The following RIPOR2 variants were observed in gnomAD, a reference collection of about 807,000 sequenced individuals.
The protein encoded by RIPOR2 is rho family-interacting cell polarization regulator 2.
In RIPOR2, 39 loss-of-function variants were observed where a neutral mutation model predicts 114.5. The observed-to-expected ratio is 0.34, with a 90% CI of 0.26 to 0.44. RIPOR2 has a LOEUF of 0.44. Ranked by LOEUF, RIPOR2 falls within the 20% of genes least tolerant of loss-of-function variation. RIPOR2 has a pLI of 1.00. For synonymous variants in RIPOR2, 445 were observed against 484.4 expected (o/e 0.92, Z 1.07); for missense variants, 1,007 against 1,255.1 (o/e 0.80, Z 2.99).
At chr6:24,840,086 AC>A in intron 13 of RIPOR2, 1 of 704,152 alleles carries the variant, frequency 1.4e-6, no homozygotes, top group Non-Finnish European at 1.7e-6. Flanking sequence ...GGTAGCTGAG[AC>A]CACAGGCATG....
chr6:24,828,381 T>C, intron 17 of RIPOR2, 86 bp from the exon 18 acceptor site: 2 of 1,204,446 alleles, frequency 1.7e-6, no homozygotes, highest in South Asian at 4.1e-5. Flanking sequence ...TTTTTATTTT[T>C]ATTTTAGAGA....
At chr6:24,894,453 T>C (rs1337932893) in intron 1 of RIPOR2, among the ~76,000 whole-genome samples, 2 of 152,242 alleles carry the variant, frequency 1.3e-5, no homozygotes, top group Non-Finnish European at 2.9e-5. Context: ...TGTTACTACT[T>C]ATCTCCATTC....
At chr6:24,957,655 C>G (rs999445742) in intron 1 of RIPOR2, among the ~76,000 whole-genome samples, 2 of 152,076 alleles carry the variant, frequency 1.3e-5, no homozygotes, top group Non-Finnish European at 2.9e-5. Flanking sequence ...AGGTGGATCA[C>G]GAGGTCAGGA....
At chr6:25,002,894 G>A (rs1366575144) in intron 1 of RIPOR2, among the ~76,000 whole-genome samples, 5 of 152,210 alleles carry the variant, frequency 3.3e-5, no homozygotes, top group East Asian at 1.9e-4. Context: ...TGGTTCGTCC[G>A]AAGTTGCAGC....
chr6:24,922,567 A>T (rs889308858), intron 1 of RIPOR2, among the ~76,000 whole-genome samples: 2 of 151,924 alleles, frequency 1.3e-5, no homozygotes, highest in African/African-American at 4.8e-5. Context: ...TTTAAAAAAA[A>T]TGTGGTAAGG....
chr6:24,877,843 T>G (rs1262415401), intron 1 of RIPOR2, among the ~76,000 whole-genome samples: 1 of 152,154 alleles, frequency 6.6e-6, no homozygotes, highest in African/African-American at 2.4e-5. Flanking sequence ...TCTAAGCTAA[T>G]TCTGATTGGC....
chr6:24,965,889 T>G (rs1298965308), intron 1 of RIPOR2, among the ~76,000 whole-genome samples: 1 of 152,196 alleles, frequency 6.6e-6, no homozygotes, highest in African/African-American at 2.4e-5. Context: ...CATCACATGG[T>G]AGATACAACT....
intron 1 of RIPOR2, chr6:25,041,714 ACGGAGC>A: frequency 1.0e-5 from 6 of 595,218 alleles, no homozygotes; most frequent in South Asian, 6.0e-5. Context: ...CCATTGGAAA[ACGGAGC>A]ACAGGAAAGT....
rs1168735257 is a variant in RIPOR2 at position 24,820,884 on chromosome 6, T to C, written c.2869-2259A>G. On this transcript the variant is annotated intron_variant, in intron 19 of 21. Transcript: ENST00000643898. ...GTTTAACACTCTTTTTTTTTTTTTT[T>C]TTTTTTTTGAGAGAGTCTCTCTTGG... 2.1e-5 allele frequency among the ~76,000 whole-genome samples: 3 copies of C among 144,480 alleles called. No individual in the cohort carries two copies. The Admixed American group carries it at 2.1e-4, about 10-fold the overall frequency. The allele number at this position is 144,480 out of a possible 152,430, so 94.8% of individuals were successfully genotyped here.
intron 1 of RIPOR2, among the ~76,000 whole-genome samples, chr6:24,960,054 C>T (rs1436863892): frequency 3.3e-5 from 5 of 152,206 alleles, no homozygotes; most frequent in Admixed American, 2.0e-4. Flanking sequence ...AAAGGTTGTC[C>T]CTCTAGGCAT....
chr6:24,990,018 G>A lies in RIPOR2; in HGVS notation c.76+51833C>T, dbSNP rs1326331678. Among the ~76,000 whole-genome samples, 3 of 151,682 alleles carry A rather than the reference G, an allele frequency of 2.0e-5. No homozygotes were observed. The East Asian group carries it at 5.8e-4, about 29-fold the overall frequency. Reference sequence around the variant, plus strand: ...TGCACTTCACCCTGGGCTATAGCATGAGTCTCAAAAAATAAAAATAAAAAA... The same window carrying A: ...TGCACTTCACCCTGGGCTATAGCATAAGTCTCAAAAAATAAAAATAAAAAA... On this transcript the variant is annotated intron_variant, in intron 1 of 13. Coordinates refer to the RIPOR2 transcript ENST00000510784.
intron 1 of RIPOR2, among the ~76,000 whole-genome samples, chr6:24,999,638 C>T (rs937981018): frequency 5.3e-5 from 8 of 151,388 alleles, no homozygotes; most frequent in Non-Finnish European, 8.8e-5. Context: ...TCACTGCAAG[C>T]TCCACCTCCC....
chr6:24,851,639 G>A (rs1445346461), intron 9 of RIPOR2, among the ~76,000 whole-genome samples: 3 of 151,858 alleles, frequency 2.0e-5, no homozygotes, highest in Non-Finnish European at 4.4e-5. Context: ...AATAACAAAG[G>A]CTATTTTTAC....
At chr6:24,840,884 G>A in intron 13 of RIPOR2, 2 of 1,019,238 alleles carry the variant, frequency 2.0e-6, no homozygotes, top group Non-Finnish European at 1.5e-6. Context: ...CACTAGTGAT[G>A]TTTTCAGCAG....
In RIPOR2 at chr6:24,909,396, A is replaced by G. The variant is rs751002105; in HGVS notation, c.61+26442T>C. On this transcript the variant is annotated intron_variant, in intron 1 of 21. Transcript: ENST00000643898. ...CTGCTTGTGACAGCAGCTAAAATAC[A>G]ATTTGAGGAAAGTAGATGGTGTGAG... 1.3e-5 allele frequency among the ~76,000 whole-genome samples: 2 copies of G among 151,944 alleles called. 1 individual carries two copies. The highest frequency in any genetic ancestry group is 6.4e-3 in the Middle Eastern group (2 of 314).
intron 1 of RIPOR2, among the ~76,000 whole-genome samples, chr6:24,902,917 T>C (rs73731431): frequency 0.016 from 2,380 of 152,318 alleles, 53 homozygotes; most frequent in African/African-American, 0.052. Context: ...GTGGTCATAT[T>C]TGACCTTTTT....
At chr6:24,964,323 C>G (rs925588744) in intron 1 of RIPOR2, among the ~76,000 whole-genome samples, 1 of 152,156 alleles carries the variant, frequency 6.6e-6, no homozygotes, top group Non-Finnish European at 1.5e-5. Flanking sequence ...GTCCTTAATC[C>G]CTGGCAACTC....
At position 24,969,337 on chromosome 6, in the gene RIPOR2, A is replaced by C. The variant is rs376806920; in HGVS notation, c.76+72514T>G. The stretch of plus-strand genomic sequence containing the variant: ...CAGACTCTCAGGCCCATTCCTGTTG[A>C]GCCACTGTGGGTGAGAATCAGAATT... On this transcript the variant is annotated intron_variant, in intron 1 of 13. Transcript: ENST00000510784. 1.1e-3 allele frequency among the ~76,000 whole-genome samples: 170 copies of C among 152,308 alleles called. 5 individuals are homozygous for C. The South Asian group carries it at 0.033, about 29-fold the overall frequency.
intron 1 of RIPOR2, among the ~76,000 whole-genome samples, chr6:24,933,987 C>T (rs182959567): frequency 6.6e-6 from 1 of 152,292 alleles, no homozygotes; most frequent in Admixed American, 6.5e-5. Flanking sequence ...TAACGCTTCC[C>T]TTCAGGATGG....
Sources: allele counts gnomAD v4.1 joint callset (sites outside exome capture counted in the v4.1 genomes callset), GRCh38; gene constraint gnomAD v4.1.1; transcripts MANE v1.5; gene names NCBI Gene and HGNC (gene_info 2026-07-23, HGNC 2026-07-21).